The following AKAP6 variants were observed in gnomAD, a reference collection of about 807,000 sequenced individuals.
The protein encoded by AKAP6 is A-kinase anchor protein 6.
AKAP6 carries 58 observed loss-of-function variants against 188.5 expected under a neutral mutation model. That is an observed-to-expected ratio of 0.31 (90% CI 0.25 to 0.38). AKAP6 has a LOEUF of 0.38. Among genes scored for constraint, AKAP6 ranks in the 10% least tolerant of loss-of-function variants. The pLI, the probability that AKAP6 is intolerant of heterozygous loss-of-function variation, is 1.00. For missense variants in AKAP6, 2,710 were observed against 2,740.0 expected (o/e 0.99, Z 0.24); for synonymous variants, 989 against 998.6 (o/e 0.99, Z 0.18).
intron 1 of AKAP6, among the ~76,000 whole-genome samples, chr14:32,410,474 C>G (rs1465625365): frequency 6.6e-6 from 1 of 152,148 alleles, no homozygotes; most frequent in Non-Finnish European, 1.5e-5. Flanking sequence ...TGTCTCATGT[C>G]TCCCCAAAAT....
intron 5 of AKAP6, among the ~76,000 whole-genome samples, chr14:32,598,685 G>A (rs184524615): frequency 6.6e-6 from 1 of 152,124 alleles, no homozygotes; most frequent in East Asian, 1.9e-4. Context: ...GAGCGGAGAG[G>A]GGGGAGTAAT....
chr14:32,434,263 G>A (rs1403242143), intron 2 of AKAP6, among the ~76,000 whole-genome samples: 1 of 152,108 alleles, frequency 6.6e-6, no homozygotes, highest in Non-Finnish European at 1.5e-5. Context: ...TAGTAGGGAA[G>A]GGCAATGTTC....
chr14:32,721,340 A>G (rs1274547164), intron 9 of AKAP6, among the ~76,000 whole-genome samples: 2 of 152,232 alleles, frequency 1.3e-5, no homozygotes, highest in Non-Finnish European at 2.9e-5. Flanking sequence ...CACATCTTCG[A>G]TATCTACCGA....
chr14:32,710,183 A>G (rs1295526913), intron 9 of AKAP6, among the ~76,000 whole-genome samples: 7 of 117,056 alleles, frequency 6.0e-5, no homozygotes, highest in African/African-American at 2.0e-4. Flanking sequence ...AGAACATGAC[A>G]TAAAAAATGG....
chr14:32,597,203 T>C (rs558807041), intron 5 of AKAP6, among the ~76,000 whole-genome samples: 3 of 152,330 alleles, frequency 2.0e-5, no homozygotes, highest in East Asian at 3.9e-4. Flanking sequence ...TCAACCTACT[T>C]ACGGTTCCTT....
At chr14:32,720,210 C>T (rs1261064516) in intron 9 of AKAP6, among the ~76,000 whole-genome samples, 2 of 152,314 alleles carry the variant, frequency 1.3e-5, no homozygotes, top group South Asian at 2.1e-4. Context: ...ATTCAAGATA[C>T]TCTGTGGTCA....
Position 32,528,952 on chromosome 14 carries a change from A to C in AKAP6, c.325-6602A>C, listed in dbSNP as rs544107796. 5.3e-5 allele frequency among the ~76,000 whole-genome samples: 8 copies of C among 152,284 alleles called. No homozygotes were observed. In the South Asian group the frequency reaches 1.7e-3, roughly 32 times the overall value. The stretch of plus-strand genomic sequence containing the variant: ...CTCAGCCTCCCAGAGTGCTAGGATT[A>C]CAGGTGTGAGCCACCGTGCCGAGCC... On this transcript the variant is annotated intron_variant, in intron 2 of 13. Coordinates refer to ENST00000280979, the MANE Select transcript of AKAP6 (RefSeq NM_004274.5).
At chr14:32,558,389 G>A (rs1169595085) in intron 4 of AKAP6, among the ~76,000 whole-genome samples, 1 of 152,176 alleles carries the variant, frequency 6.6e-6, no homozygotes, top group Non-Finnish European at 1.5e-5. Context: ...AGTGCCAAGG[G>A]AAAATTCATG....
In AKAP6 at chr14:32,788,612, C is replaced by CG. The variant is rs905046823; in HGVS notation, c.3588+14719_3588+14720insG. ...AGGGAAGCAGTGAGTGAGCGTGCAA[C>CG]CCCCCCCAGGAAACCATGCTTCTCC... On this transcript the variant is annotated intron_variant, in intron 12 of 13. Transcript: ENST00000280979. 1.7e-4 allele frequency among the ~76,000 whole-genome samples: 19 copies of CG among 114,594 alleles called. No individual in the cohort carries two copies. The South Asian group carries it at 4.2e-3, about 25-fold the overall frequency. The allele number at this position is 114,594 out of a possible 152,430, so 75.2% of individuals were successfully genotyped here. A position where few individuals can be genotyped will look rare whatever the true frequency, so the allele number is the denominator to read the frequency against.
chr14:32,793,942 T>C (rs1051713030), intron 12 of AKAP6, among the ~76,000 whole-genome samples: 6 of 150,658 alleles, frequency 4.0e-5, no homozygotes, highest in African/African-American at 1.2e-4. Context: ...AGACAGATCA[T>C]TGAGACAGAA....
At chr14:32,696,244 C>G in intron 9 of AKAP6, 134 bp downstream of exon 9, 4 of 1,182,056 alleles carry the variant, frequency 3.4e-6, no homozygotes, top group Non-Finnish European at 3.3e-6. Context: ...CTTCCCTGTC[C>G]CCAAACTCAT....
chr14:32,738,842 A>G (rs2031551203), intron 11 of AKAP6, among the ~76,000 whole-genome samples: 1 of 152,184 alleles, frequency 6.6e-6, no homozygotes, highest in South Asian at 2.1e-4. Flanking sequence ...CAGCTCTGCC[A>G]TCATAGTGCA....
At chr14:32,717,682 G>A (rs1262769926) in intron 9 of AKAP6, among the ~76,000 whole-genome samples, 2 of 151,352 alleles carry the variant, frequency 1.3e-5, no homozygotes, top group African/African-American at 4.9e-5. Context: ...AATATTTATA[G>A]CAGACTCCTT....
intron 13 of AKAP6, among the ~76,000 whole-genome samples, chr14:32,829,432 T>A (rs1203455363): frequency 6.6e-6 from 1 of 152,224 alleles, no homozygotes; most frequent in Non-Finnish European, 1.5e-5. Context: ...GCTCCCAGTC[T>A]GTGGAATCAT....
chr14:32,726,485 A>AT (rs367568107), intron 9 of AKAP6, among the ~76,000 whole-genome samples: 105 of 152,314 alleles, frequency 6.9e-4, no homozygotes, highest in African/African-American at 2.1e-3. Flanking sequence ...AAAAATGTCC[A>AT]TTTTTTGCCG....
At chr14:32,421,126 C>G (rs756340291) in intron 1 of AKAP6, among the ~76,000 whole-genome samples, 2 of 152,086 alleles carry the variant, frequency 1.3e-5, no homozygotes, top group Non-Finnish European at 1.5e-5. Context: ...CCTCTACTTC[C>G]ACCCCAAAGC....
chr14:32,637,249 G>A (rs993252467), intron 7 of AKAP6, among the ~76,000 whole-genome samples: 2 of 152,074 alleles, frequency 1.3e-5, no homozygotes, highest in African/African-American at 2.4e-5. Context: ...GGTAACTGAT[G>A]GGAAGAAAGC....
intron 9 of AKAP6, among the ~76,000 whole-genome samples, chr14:32,731,699 A>G (rs1324093466): frequency 1.3e-5 from 2 of 152,154 alleles, no homozygotes; most frequent in Non-Finnish European, 2.9e-5. Context: ...ATATAGGACT[A>G]ACTATGGAGT....
intron 2 of AKAP6, among the ~76,000 whole-genome samples, chr14:32,451,948 A>G (rs551737186): frequency 7.6e-5 from 10 of 130,990 alleles, no homozygotes; most frequent in African/African-American, 2.7e-4. Context: ...TTGTGGCCAT[A>G]TTTCTACTTT....
Sources: gnomAD v4.1 joint callset for allele counts (sites outside exome capture counted in the v4.1 genomes callset) on GRCh38, gnomAD v4.1.1 for gene constraint, MANE v1.5 for transcripts, NCBI Gene and HGNC (gene_info 2026-07-23, HGNC 2026-07-21) for gene names.